WNK1: variants seen among roughly 807,000 people sequenced by gnomAD.
WNK1 encodes the protein WNK lysine deficient protein kinase 1.
In WNK1, 38 loss-of-function variants were observed where a neutral mutation model predicts 222.8. That is an observed-to-expected ratio of 0.17 (90% CI 0.13 to 0.22). WNK1 has a LOEUF of 0.22. WNK1 is among the 10% of genes least tolerant of loss of function. The pLI is 1.00. For missense variants in WNK1, 2,348 were observed against 2,918.4 expected, an observed-to-expected ratio of 0.80 and a Z score of 4.50; for synonymous variants, 1,090 against 1,092.9, an observed-to-expected ratio of 1.00 and a Z score of 0.05.
chr12:876,825 A>G (rs1332641164), intron 9 of WNK1, among the ~76,000 whole-genome samples: 1 of 152,112 alleles, frequency 6.6e-6, no homozygotes, highest in Non-Finnish European at 1.5e-5. Flanking sequence ...TATTTTAACA[A>G]AAAAAGAAAA....
chr12:759,480 G>A (rs1033791666), intron 1 of WNK1, among the ~76,000 whole-genome samples: 3 of 146,856 alleles, frequency 2.0e-5, no homozygotes, highest in African/African-American at 4.9e-5. Context: ...ACAGGCGAGC[G>A]CCACCACGCC....
rs187526173 is a variant in WNK1, at chr12:830,268, G to C, written c.1311+108G>C. On this transcript the variant is annotated intron_variant, in intron 4 of 27. Coordinates refer to ENST00000315939, the MANE Select transcript of WNK1 (RefSeq NM_018979.4). ...AGAGGACAATAGTGGAAGGCATACT[G>C]AGTGAACTGTTGGGGTTGGGGGGGT... is the stretch of plus-strand genomic sequence containing the variant. 317 of 1,286,864 alleles carry C rather than the reference G, an allele frequency of 2.5e-4. 10 individuals are homozygous for C. The Admixed American group carries it at 5.9e-3, about 24-fold the overall frequency. 79.7% of individuals were successfully genotyped at this position (1,286,864 alleles called of 1,614,324 possible). A position where few individuals can be genotyped will look rare whatever the true frequency, so the allele number is the denominator to read the frequency against.
In WNK1 at chr12:753,702, C is replaced by T; in HGVS notation, c.137C>T (p.Ala46Val). 1 of 1,612,218 alleles carries T rather than the reference C, an allele frequency of 6.2e-7. No individual in the cohort carries two copies. Among genetic ancestry groups the T allele is most frequent in the East Asian group, 2.2e-5 (1 of 44,854 alleles). ...AAACTGGGAGCCGCGGCCGCCGACG[C>T]TGTGACCGGCAGGACCGAGGAGTAC... ...GEKLGAAAAD[A>V]VTGRTEEYRR... Residue 46 changes from alanine to valine, a missense_variant, in exon 1 of 28, where the codon GCT becomes GTT. This residue lies in a region of WNK1 where 108 missense variants were observed against 109.7 expected (regional missense o/e 0.98). Transcript: ENST00000315939. The surrounding 1 kb of genome is among the most constrained non-coding windows in gnomAD (Gnocchi z 5.2).
chr12:833,766 C>T (rs1428767991), intron 4 of WNK1, among the ~76,000 whole-genome samples: 1 of 152,080 alleles, frequency 6.6e-6, no homozygotes, highest in Non-Finnish European at 1.5e-5. Flanking sequence ...TCTAGTACAT[C>T]TGTATAATTT....
chr12:838,011 C>G (rs753847740), intron 4 of WNK1, among the ~76,000 whole-genome samples: 6 of 151,794 alleles, frequency 4.0e-5, no homozygotes, highest in Non-Finnish European at 7.4e-5. Context: ...GTATAGTGTT[C>G]TCAAGGTTCG....
At chr12:876,508 G>T (rs1342698143) in intron 9 of WNK1, among the ~76,000 whole-genome samples, 1 of 152,178 alleles carries the variant, frequency 6.6e-6, no homozygotes. Context: ...GATTTTAATT[G>T]ACATAAATAT....
intron 4 of WNK1, among the ~76,000 whole-genome samples, chr12:831,380 A>G (rs1354353905): frequency 6.6e-6 from 1 of 151,982 alleles, no homozygotes; most frequent in Non-Finnish European, 1.5e-5. Context: ...TCTACTAAAA[A>G]TACAAAAATT....
At chr12:795,197 C>A (rs1229209710) in intron 1 of WNK1, among the ~76,000 whole-genome samples, 1 of 151,952 alleles carries the variant, frequency 6.6e-6, no homozygotes, top group Non-Finnish European at 1.5e-5. Context: ...TAGAACTCAT[C>A]AGTGAAGTGA....
chr12:906,050 A>G (rs902718580), intron 26 of WNK1, among the ~76,000 whole-genome samples: 4 of 152,156 alleles, frequency 2.6e-5, no homozygotes, highest in African/African-American at 4.8e-5. Context: ...ATGGTCAGTA[A>G]CAGGCTTTGA....
At chr12:853,244 A>G (rs1950535634) in intron 4 of WNK1, among the ~76,000 whole-genome samples, 1 of 152,202 alleles carries the variant, frequency 6.6e-6, no homozygotes, top group African/African-American at 2.4e-5. Context: ...ACCAAATTTA[A>G]GGTTGTATTA....
At chr12:883,202 A>G (rs755463498) in intron 15 of WNK1, 143 bp downstream of exon 15, 1 of 958,214 alleles carries the variant, frequency 1.0e-6, no homozygotes, top group African/African-American at 1.6e-5. Flanking sequence ...TATCACACCC[A>G]ACCTGTGATT....
Position 754,204 on chromosome 12 carries a change from A to T in WNK1, c.639A>T (p.Gly213=). 3 of 1,613,790 alleles carry T rather than the reference A, an allele frequency of 1.9e-6. No individual in the cohort carries two copies. Among genetic ancestry groups the T allele is most frequent in the Non-Finnish European group, 1.7e-6 (2 of 1,180,032 alleles). Residue 213 remains glycine, a synonymous_variant, in exon 1 of 28, where the codon GGA becomes GGT. Coordinates refer to ENST00000315939, the MANE Select transcript of WNK1 (RefSeq NM_018979.4). ...DIEELETKAV[G]MSNDGRFLKF... The stretch of plus-strand genomic sequence containing the variant: ...AAGAGCTGGAGACCAAGGCCGTGGG[A>T]ATGTCTAACGATGGCCGCTTTCTCA...
chr12:828,290 A>C (rs1260804558), intron 3 of WNK1, among the ~76,000 whole-genome samples: 1 of 152,146 alleles, frequency 6.6e-6, no homozygotes, highest in Non-Finnish European at 1.5e-5. Flanking sequence ...TGGGCAACAG[A>C]GCAAGACTCC....
chr12:821,805 T>C (rs1361859359), intron 2 of WNK1, among the ~76,000 whole-genome samples: 2 of 152,190 alleles, frequency 1.3e-5, no homozygotes, highest in African/African-American at 4.8e-5. Flanking sequence ...CTTGCATCAG[T>C]ATTTTTACTT....
chr12:785,953 G>A (rs925725977), intron 1 of WNK1, among the ~76,000 whole-genome samples: 1 of 151,962 alleles, frequency 6.6e-6, no homozygotes, highest in Non-Finnish European at 1.5e-5. Flanking sequence ...GCAGATGTTG[G>A]GATCTTTAGA....
chr12:860,488 C>A (rs768406238), intron 6 of WNK1, among the ~76,000 whole-genome samples: 2 of 152,202 alleles, frequency 1.3e-5, no homozygotes, highest in Non-Finnish European at 1.5e-5. Flanking sequence ...GAGAGGAGAT[C>A]AGGTATGAGT....
rs778502996 is a variant in WNK1, at chr12:910,695, TCACCACCAC to T, written c.*1913_*1921del. 1 of 152,398 alleles carries T rather than the reference TCACCACCAC, an allele frequency of 6.6e-6. No homozygotes were observed. Among genetic ancestry groups the T allele is most frequent in the Non-Finnish European group, 1.5e-5 (1 of 68,174 alleles). The allele number at this position is 152,398 out of a possible 1,614,324, so 9.4% of individuals were successfully genotyped here. A position where few individuals can be genotyped will look rare whatever the true frequency, so the allele number is the denominator to read the frequency against. The stretch of plus-strand genomic sequence containing the variant: ...CCACGTCAATGGCATATTCTGGGAA[TCACCACCAC>T]CACCACCACTACCACAGAAAGAGGC... On this transcript the variant is annotated 3_prime_UTR_variant, in exon 28 of 28. Transcript: ENST00000315939.
intron 2 of WNK1, among the ~76,000 whole-genome samples, chr12:815,195 C>T (rs1004007897): frequency 3.9e-5 from 6 of 152,136 alleles, no homozygotes; most frequent in African/African-American, 1.4e-4. Context: ...TGGTTGGGGA[C>T]CCCTGGTATC....
chr12:830,202 T>C (rs764756903), intron 4 of WNK1, 42 bp downstream of exon 4: 1 of 1,605,180 alleles, frequency 6.2e-7, no homozygotes, highest in South Asian at 1.1e-5. Context: ...GGGGCATATC[T>C]AACAAAGAAT....
Sources: gnomAD v4.1 joint callset for allele counts (sites outside exome capture counted in the v4.1 genomes callset) on GRCh38, gnomAD v4.1.1 for gene constraint, gnomAD v4.1.1 regional missense constraint, Gnocchi (gnomAD v3.1) non-coding constraint, MANE v1.5 for transcripts, NCBI Gene and HGNC (gene_info 2026-07-23, HGNC 2026-07-21) for gene names.